SLC26A8: variants seen among roughly 807,000 people sequenced by gnomAD.
The protein encoded by SLC26A8 is testis anion transporter 1.
Under a neutral mutation model 105.0 loss-of-function variants are expected in SLC26A8, and 70 were observed. The observed-to-expected ratio is 0.67, with a 90% CI of 0.55 to 0.81. The LOEUF (loss-of-function observed/expected upper bound fraction) is 0.81, where lower values mean the gene tolerates loss of function less well. SLC26A8 is among the 40% of genes least tolerant of loss of function. SLC26A8 has a pLI of 0.00. For synonymous variants in SLC26A8, 415 were observed against 438.3 expected (o/e 0.95, Z 0.66); for missense variants, 998 against 1,181.8 (o/e 0.84, Z 2.28).
chr6:35,963,474 C>T (rs1312536248), intron 11 of SLC26A8, among the ~76,000 whole-genome samples: 2 of 152,208 alleles, frequency 1.3e-5, no homozygotes, highest in African/African-American at 2.4e-5. Context: ...CTTGCTGAGG[C>T]GCCTCACTGC....
In SLC26A8 at chr6:35,951,185, TC is replaced by T. The variant is rs1378554559; in HGVS notation, c.2449del (p.Glu817LysfsTer16). 6 of 1,613,762 alleles carry T rather than the reference TC, an allele frequency of 3.7e-6. No individual in the cohort carries two copies. The highest frequency in any genetic ancestry group is 5.1e-6 in the Non-Finnish European group (6 of 1,179,976). On this transcript the variant is annotated frameshift_variant, in exon 19 of 20. Coordinates refer to ENST00000490799, the MANE Select transcript of SLC26A8 (RefSeq NM_052961.4). LOFTEE classifies it high-confidence loss of function. ...GACCTTGTCTGTTTCTGAGTAGGTT[TC>T]CCGTATCACTGTCTCGGATTCATCG... ...SIDESETVIR[E>X]TYSETDKNDN...
intron 7 of SLC26A8, among the ~76,000 whole-genome samples, chr6:35,986,864 T>C (rs1773544637): frequency 6.6e-6 from 1 of 152,208 alleles, no homozygotes; most frequent in South Asian, 2.1e-4. Flanking sequence ...TGTATCCATT[T>C]ATCTGTTGAT....
intron 5 of SLC26A8, among the ~76,000 whole-genome samples, chr6:35,992,954 G>T (rs543935723): frequency 7.9e-5 from 12 of 152,136 alleles, no homozygotes; most frequent in African/African-American, 2.9e-4. Flanking sequence ...TGCTCTCTAG[G>T]TTGACTTGGG....
At chr6:35,985,342 A>G (rs1296843031) in intron 7 of SLC26A8, among the ~76,000 whole-genome samples, 1 of 152,144 alleles carries the variant, frequency 6.6e-6, no homozygotes, top group Non-Finnish European at 1.5e-5. Context: ...CCTGTGTCAG[A>G]TACATCTGGG....
intron 2 of SLC26A8, among the ~76,000 whole-genome samples, chr6:36,016,241 C>T (rs572221453): frequency 1.3e-5 from 2 of 152,280 alleles, no homozygotes; most frequent in African/African-American, 4.8e-5. Flanking sequence ...GATCCGCCCA[C>T]CTCAGCCTCC....
intron 1 of SLC26A8, among the ~76,000 whole-genome samples, chr6:36,020,605 C>T (rs1036679023): frequency 6.6e-6 from 1 of 151,814 alleles, no homozygotes; most frequent in South Asian, 2.1e-4. Flanking sequence ...GGTGTCAGAG[C>T]GAGACCCTGT....
At chr6:35,954,025 T>C (rs1771969291) in intron 17 of SLC26A8, among the ~76,000 whole-genome samples, 1 of 152,150 alleles carries the variant, frequency 6.6e-6, no homozygotes, top group Admixed American at 6.5e-5. Flanking sequence ...TCAAACACCA[T>C]GAGTGTTCAG....
At chr6:36,017,852 G>A (rs1328849099) in intron 2 of SLC26A8, among the ~76,000 whole-genome samples, 2 of 151,876 alleles carry the variant, frequency 1.3e-5, no homozygotes, top group Admixed American at 6.6e-5. Flanking sequence ...TTTTACAAAG[G>A]ACAAAGGAAA....
intron 19 of SLC26A8, among the ~76,000 whole-genome samples, chr6:35,944,558 A>C (rs1439046314): frequency 6.7e-6 from 1 of 149,134 alleles, no homozygotes; most frequent in African/African-American, 2.4e-5. Context: ...AATTATTATT[A>C]TTTTAAAAAC....
chr6:35,995,344 T>C (rs1435322447), intron 5 of SLC26A8, among the ~76,000 whole-genome samples: 2 of 152,186 alleles, frequency 1.3e-5, no homozygotes, highest in Non-Finnish European at 2.9e-5. Context: ...TATCTGCCAT[T>C]CTTATAGGAA....
At chr6:36,006,985 C>A (rs1241559712) in intron 3 of SLC26A8, among the ~76,000 whole-genome samples, 2 of 152,120 alleles carry the variant, frequency 1.3e-5, no homozygotes, top group Non-Finnish European at 2.9e-5. Context: ...GAAAACTTCC[C>A]TAACCTAATA....
At chr6:35,956,232 T>C (rs1772053847) in intron 16 of SLC26A8, among the ~76,000 whole-genome samples, 2 of 151,652 alleles carry the variant, frequency 1.3e-5, no homozygotes, top group South Asian at 4.2e-4. Flanking sequence ...CAGTGCACAC[T>C]CCAGCCTGGG....
rs117228539 is a variant in SLC26A8, at chr6:35,995,767, T to C, written c.627+1971A>G. Among the ~76,000 whole-genome samples, 35 of 152,160 alleles carry C rather than the reference T, an allele frequency of 2.3e-4. No individual in the cohort carries two copies. The East Asian group carries it at 6.4e-3, about 28-fold the overall frequency. On this transcript the variant is annotated intron_variant, in intron 5 of 19. Coordinates refer to ENST00000490799, the MANE Select transcript of SLC26A8 (RefSeq NM_052961.4). ...CCCAAGCAATCCTCCTGCTTCAGTCTCCCAAAGTGCTGGGATTACAGATGT... is the reference window on the plus strand; with the variant it reads ...CCCAAGCAATCCTCCTGCTTCAGTCCCCCAAAGTGCTGGGATTACAGATGT...
intron 7 of SLC26A8, among the ~76,000 whole-genome samples, chr6:35,985,724 GGGCTGCTGTCTGTTCAT>G (rs1222292420): frequency 3.5e-5 from 5 of 144,188 alleles, no homozygotes; most frequent in Non-Finnish European, 7.6e-5. Flanking sequence ...AAAAAAAAGA[GGGCTGCTGTCTGTTCAT>G]GGCTGCTGTC....
chr6:36,012,096 G>A (rs1761874994), intron 3 of SLC26A8, 137 bp downstream of exon 3: 1 of 1,240,100 alleles, frequency 8.1e-7, no homozygotes, highest in Non-Finnish European at 1.1e-6. Flanking sequence ...TGGCAGATAA[G>A]GGAACAAATG....
intron 8 of SLC26A8, among the ~76,000 whole-genome samples, chr6:35,979,572 A>G (rs1773189134): frequency 1.3e-5 from 2 of 152,192 alleles, no homozygotes; most frequent in African/African-American, 4.8e-5. Context: ...ACAGGTAGGT[A>G]TTTAACTTAT....
chr6:35,946,309 T>A (rs1206299974), intron 19 of SLC26A8, among the ~76,000 whole-genome samples: 1 of 152,200 alleles, frequency 6.6e-6, no homozygotes, highest in Non-Finnish European at 1.5e-5. Context: ...TGATCTTGGC[T>A]CACTGCAACT....
At chr6:35,987,033 G>GA (rs1184923441) in intron 7 of SLC26A8, among the ~76,000 whole-genome samples, 1 of 152,120 alleles carries the variant, frequency 6.6e-6, no homozygotes, top group African/African-American at 2.4e-5. Flanking sequence ...AAAATCTTTT[G>GA]AAAAACAAGC....
chr6:35,965,024 A>C (rs182854152), intron 11 of SLC26A8, among the ~76,000 whole-genome samples: 13 of 152,294 alleles, frequency 8.5e-5, no homozygotes, highest in African/African-American at 3.1e-4. Flanking sequence ...ATTTATAACA[A>C]AAATGTAGAC....
Sources: gnomAD v4.1 joint callset for allele counts (sites outside exome capture counted in the v4.1 genomes callset) on GRCh38, gnomAD v4.1.1 for gene constraint, MANE v1.5 for transcripts, NCBI Gene and HGNC (gene_info 2026-07-23, HGNC 2026-07-21) for gene names.